The following RIT2 variants were observed in gnomAD, a reference collection of about 807,000 sequenced individuals.
RIT2 encodes the protein Ras like without CAAX 2, also known as GTP-binding protein Rit2.
RIT2 carries 24 observed loss-of-function variants against 23.7 expected under a neutral mutation model. The observed-to-expected ratio is 1.01, with a 90% CI of 0.73 to 1.43. RIT2 has a LOEUF of 1.43. Ranked by LOEUF, RIT2 falls within the 40% of genes most tolerant of loss-of-function variation. RIT2 has a pLI of 0.00. For synonymous variants in RIT2, 107 were observed against 91.1 expected (o/e 1.17, Z -0.99); for missense variants, 236 against 266.9 (o/e 0.88, Z 0.81).
chr18:42,860,945 G>C (rs370582582), intron 4 of RIT2, among the ~76,000 whole-genome samples: 16 of 152,278 alleles, frequency 1.1e-4, no homozygotes, highest in African/African-American at 3.1e-4. Flanking sequence ...TATAAAGGAT[G>C]CATGCATGTG....
At position 42,753,044 on chromosome 18, in the gene RIT2, C is replaced by T. The variant is rs574674411; in HGVS notation, c.427-9324G>A. The stretch of plus-strand genomic sequence containing the variant: ...AATATGCCAGGTACTCCCTGAAATG[C>T]TATTTCCCATCTGCCAGAGGAGGCA... On this transcript the variant is annotated intron_variant, in intron 4 of 4. Transcript: ENST00000326695. 5.9e-5 allele frequency among the ~76,000 whole-genome samples: 9 copies of T among 152,274 alleles called. No homozygotes were observed. In the South Asian group the frequency reaches 1.7e-3, roughly 28 times the overall value.
At chr18:42,818,448 CAGTGCT>C (rs1467592018) in intron 4 of RIT2, among the ~76,000 whole-genome samples, 2 of 152,106 alleles carry the variant, frequency 1.3e-5, no homozygotes, top group Non-Finnish European at 1.5e-5. Context: ...ATAGACTGTA[CAGTGCT>C]AACCCTTTCT....
intron 3 of RIT2, among the ~76,000 whole-genome samples, chr18:42,970,422 T>G (rs1200592776): frequency 1.3e-5 from 2 of 152,052 alleles, no homozygotes; most frequent in Non-Finnish European, 2.9e-5. Flanking sequence ...CTTTATAATC[T>G]GAGATTTGGT....
intron 4 of RIT2, among the ~76,000 whole-genome samples, chr18:42,831,852 A>T (rs997157148): frequency 1.3e-5 from 2 of 152,154 alleles, no homozygotes; most frequent in Non-Finnish European, 2.9e-5. Flanking sequence ...TAATCACCTG[A>T]GTGATTAACC....
chr18:43,033,729 C>T, intron 2 of RIT2, 82 bp downstream of exon 2: 1 of 912,510 alleles, frequency 1.1e-6, no homozygotes, highest in Non-Finnish European at 1.8e-6. Context: ...TATTTATTTT[C>T]CATCAACATT....
intron 3 of RIT2, among the ~76,000 whole-genome samples, chr18:42,967,190 C>T (rs1263342521): frequency 6.6e-6 from 1 of 151,876 alleles, no homozygotes; most frequent in Admixed American, 6.6e-5. Flanking sequence ...ATATCTATCT[C>T]CACATATAAG....
intron 4 of RIT2, among the ~76,000 whole-genome samples, chr18:42,820,711 A>T (rs965701405): frequency 2.6e-5 from 4 of 152,094 alleles, no homozygotes; most frequent in Non-Finnish European, 5.9e-5. Flanking sequence ...TCAGGTCTGG[A>T]GATAGAAAAA....
chr18:43,060,654 T>C (rs542085673), intron 1 of RIT2, among the ~76,000 whole-genome samples: 1 of 152,252 alleles, frequency 6.6e-6, no homozygotes, highest in African/African-American at 2.4e-5. Context: ...TTTCAAAATA[T>C]GGACACATAA....
At chr18:42,878,405 C>T (rs944884589) in intron 4 of RIT2, among the ~76,000 whole-genome samples, 2 of 151,712 alleles carry the variant, frequency 1.3e-5, no homozygotes, top group East Asian at 3.9e-4. Context: ...TGAATCATCA[C>T]AAAGGTCTTC....
chr18:42,847,755 T>C (rs560005560), intron 4 of RIT2, among the ~76,000 whole-genome samples: 4 of 151,972 alleles, frequency 2.6e-5, no homozygotes, highest in Non-Finnish European at 5.9e-5. Flanking sequence ...GTCTGCAGTA[T>C]AATTTTCAGT....
rs1286662404 is a variant in RIT2 at position 42,743,239 on chromosome 18, A to G, written c.*254T>C. On this transcript the variant is annotated 3_prime_UTR_variant, in exon 5 of 5. Coordinates refer to ENST00000326695, the MANE Select transcript of RIT2 (RefSeq NM_002930.4). ...CTTTAAAGGGAAATGAGGCAATTGG[A>G]ATGTCAATTTTATTTAGTACTATGT... 2.2e-6 allele frequency: 1 copy of G among 451,956 alleles called. No individual in the cohort carries two copies. Among genetic ancestry groups the G allele is most frequent in the African/African-American group, 2.0e-5 (1 of 50,424 alleles). 28.0% of individuals were successfully genotyped at this position (451,956 alleles called of 1,614,324 possible).
chr18:43,051,958 G>T (rs923976651), intron 1 of RIT2, among the ~76,000 whole-genome samples: 5 of 151,846 alleles, frequency 3.3e-5, no homozygotes, highest in African/African-American at 1.2e-4. Context: ...CTGATTTTTT[G>T]ATTATCACAA....
At chr18:42,751,287 T>C (rs1913039342) in intron 4 of RIT2, among the ~76,000 whole-genome samples, 1 of 151,940 alleles carries the variant, frequency 6.6e-6, no homozygotes. Context: ...GTTAAGTCTT[T>C]AGCTAAATCC....
intron 4 of RIT2, among the ~76,000 whole-genome samples, chr18:42,816,259 C>T (rs1422189599): frequency 1.3e-5 from 2 of 152,106 alleles, no homozygotes; most frequent in Admixed American, 6.5e-5. Flanking sequence ...GAAAGAGATG[C>T]TTGTGCACAA....
intron 1 of RIT2, among the ~76,000 whole-genome samples, chr18:43,075,270 T>G (rs1468767064): frequency 6.6e-6 from 1 of 152,146 alleles, no homozygotes; most frequent in Non-Finnish European, 1.5e-5. Flanking sequence ...ATAGGCACCA[T>G]TAGTAATAAA....
intron 2 of RIT2, among the ~76,000 whole-genome samples, chr18:42,974,727 G>A (rs1308578757): frequency 1.3e-5 from 2 of 151,950 alleles, no homozygotes; most frequent in South Asian, 4.1e-4. Flanking sequence ...AGAATATAAA[G>A]TCAACAAGCA....
At chr18:42,774,393 A>G (rs1598648484) in intron 4 of RIT2, among the ~76,000 whole-genome samples, 2 of 152,254 alleles carry the variant, frequency 1.3e-5, no homozygotes, top group South Asian at 4.2e-4. Context: ...TAAATCCGTT[A>G]TGTGTCTTCC....
At chr18:43,109,843 T>G (rs1913912242) in intron 1 of RIT2, among the ~76,000 whole-genome samples, 2 of 152,140 alleles carry the variant, frequency 1.3e-5, no homozygotes, top group South Asian at 2.1e-4. Flanking sequence ...GTTGACAACA[T>G]TTCACCAAAT....
chr18:42,892,955 C>A (rs1470080982), intron 4 of RIT2, among the ~76,000 whole-genome samples: 1 of 152,140 alleles, frequency 6.6e-6, no homozygotes, highest in South Asian at 2.1e-4. Flanking sequence ...AGCTTTGAAT[C>A]AAAAAATTAT....
Sources: gnomAD v4.1 joint callset for allele counts (sites outside exome capture counted in the v4.1 genomes callset) on GRCh38, gnomAD v4.1.1 for gene constraint, MANE v1.5 for transcripts, NCBI Gene and HGNC (gene_info 2026-07-23, HGNC 2026-07-21) for gene names.